ESRRB: variants seen among roughly 807,000 people sequenced by gnomAD.
ESRRB encodes estrogen related receptor beta.
Under a neutral mutation model 46.0 loss-of-function variants are expected in ESRRB, and 16 were observed. The ratio of observed to expected loss-of-function variants is 0.35; its 90% CI spans 0.24 to 0.53. ESRRB has a LOEUF of 0.53. ESRRB is among the 20% of genes least tolerant of loss of function. The pLI is 0.93. For missense variants in ESRRB, 488 were observed against 607.4 expected (o/e 0.80, Z 2.07); for synonymous variants, 246 against 259.6 (o/e 0.95, Z 0.50).
intron 3 of ESRRB, among the ~76,000 whole-genome samples, chr14:76,473,047 G>A (rs1889434240): frequency 6.6e-6 from 1 of 152,194 alleles, no homozygotes; most frequent in Non-Finnish European, 1.5e-5. Flanking sequence ...GCATTCTGAG[G>A]TTATATGGGA....
upstream of ESRRB, among the ~76,000 whole-genome samples, chr14:76,367,317 G>A (rs940940166): frequency 2.6e-5 from 4 of 152,124 alleles, no homozygotes; most frequent in African/African-American, 9.7e-5. Flanking sequence ...TATTTTGGGA[G>A]GCCAAGGTGG....
At position 76,398,081 on chromosome 14, in the gene ESRRB, G is replaced by A. The variant is rs760142461; in HGVS notation, c.50+21630G>A. 1.9e-4 allele frequency among the ~76,000 whole-genome samples: 29 copies of A among 152,150 alleles called. 1 individual carries two copies. Among genetic ancestry groups the A allele is most frequent in the Admixed American group, 1.9e-3 (29 of 15,278 alleles). ...TTAAACATGGGGCAGTGCCTCCTAC[G>A]CCAGCTTGTGCTTTGTTGGAAAATT... is the stretch of plus-strand genomic sequence containing the variant. On this transcript the variant is annotated intron_variant, in intron 1 of 6. Transcript: ENST00000644823.
At chr14:76,461,475 A>T (rs938204185) in intron 2 of ESRRB, among the ~76,000 whole-genome samples, 2 of 146,588 alleles carry the variant, frequency 1.4e-5, no homozygotes, top group African/African-American at 5.1e-5. Flanking sequence ...TATGGTAGCC[A>T]TTCTTTTGTT....
At chr14:76,324,323 C>G (rs1300785368) in intron 1 of ESRRB, among the ~76,000 whole-genome samples, 1 of 152,112 alleles carries the variant, frequency 6.6e-6, no homozygotes, top group Non-Finnish European at 1.5e-5. Flanking sequence ...GGAGTAGACT[C>G]CTAGGCCCTT....
At chr14:76,407,594 AGGG>A (rs1886245454) in intron 1 of ESRRB, 1 of 985,810 alleles carries the variant, frequency 1.0e-6, no homozygotes, top group Admixed American at 6.1e-5. Context: ...GGCTGCTCAG[AGGG>A]TAAGTTGGGT....
chr14:76,463,199 C>T (rs1289093313), intron 3 of ESRRB: 1 of 213,388 alleles, frequency 4.7e-6, no homozygotes, highest in Non-Finnish European at 9.4e-6. Context: ...TCCCTGCGTC[C>T]TCTGTCTCTA....
intron 1 of ESRRB, among the ~76,000 whole-genome samples, chr14:76,391,126 A>G (rs1885451701): frequency 1.3e-5 from 2 of 152,180 alleles, no homozygotes; most frequent in Admixed American, 6.5e-5. Context: ...TTGAGGTTAC[A>G]TTGGCTGCAT....
intron 1 of ESRRB, among the ~76,000 whole-genome samples, chr14:76,324,432 CT>C (rs902685071): frequency 1.1e-4 from 17 of 152,150 alleles, no homozygotes; most frequent in African/African-American, 4.1e-4. Flanking sequence ...CCAGAGGGAT[CT>C]GAGCAGAGCA....
At chr14:76,329,076 G>T (rs1034298526) in intron 1 of ESRRB, among the ~76,000 whole-genome samples, 2 of 152,096 alleles carry the variant, frequency 1.3e-5, no homozygotes, top group African/African-American at 4.8e-5. Context: ...GAAGGGGCTT[G>T]GCAGCCAGTA....
Position 76,500,876 on chromosome 14 carries a change from A to G in ESRRB, c.*2418A>G, listed in dbSNP as rs954629372. 1.7e-5 allele frequency: 13 copies of G among 770,470 alleles called. No individual in the cohort carries two copies. In the African/African-American group the frequency reaches 1.9e-4, roughly 11 times the overall value. The allele number at this position is 770,470 out of a possible 1,614,324, so 47.7% of individuals were successfully genotyped here. On this transcript the variant is annotated 3_prime_UTR_variant, in exon 7 of 7. Transcript: ENST00000644823. Reference sequence around the variant, plus strand: ...TCCATGAGGTGGAAGCTGCTTTTATACTTAAAACTCAGATCACAACAGGAA... The same window carrying G: ...TCCATGAGGTGGAAGCTGCTTTTATGCTTAAAACTCAGATCACAACAGGAA...
rs527490269 is a variant in ESRRB, at chr14:76,313,546, G to A, written c.2+2630G>A. Among the ~76,000 whole-genome samples, 29 of 152,288 alleles carry A rather than the reference G, an allele frequency of 1.9e-4. No individual in the cohort carries two copies. The South Asian group carries it at 6.0e-3, about 32-fold the overall frequency. On this transcript the variant is annotated intron_variant, in intron 1 of 6. Coordinates refer to the ESRRB transcript ENST00000512784. ...AAATTGGGGACAGTGGGGGCAATGA[G>A]CAGGTGCTTTGGAATGCAGCAGGCT...
chr14:76,491,634 G>C lies in ESRRB; in HGVS notation c.1038G>C (p.Leu346=), dbSNP rs899007798. Residue 346 remains leucine, a synonymous_variant, in exon 6 of 7, where the codon CTG becomes CTC. Transcript: ENST00000644823. ...AGLLELYRAI[L]QLVRRYKKLK... is the part of the protein sequence containing the mutation. ...TGCTGGAGCTCTACCGGGCCATCCT[G>C]CAGCTGGTACGCAGGTACAAGAAGC... is the stretch of plus-strand genomic sequence containing the variant. 6.9e-6 allele frequency: 11 copies of C among 1,584,420 alleles called. No homozygotes were observed. The African/African-American group carries it at 1.2e-4, about 17-fold the overall frequency.
intron 1 of ESRRB, among the ~76,000 whole-genome samples, chr14:76,382,842 TA>T (rs368137420): frequency 3.0e-4 from 45 of 151,474 alleles, no homozygotes; most frequent in African/African-American, 6.5e-4. Flanking sequence ...GTTTCTTTTT[TA>T]AAAAAAAAAT....
chr14:76,411,085 A>G (rs544865705), intron 1 of ESRRB, among the ~76,000 whole-genome samples: 1 of 151,038 alleles, frequency 6.6e-6, no homozygotes, highest in African/African-American at 2.4e-5. Context: ...CGCCTGGCCC[A>G]TTCATTTCTT....
intron 1 of ESRRB, among the ~76,000 whole-genome samples, chr14:76,380,584 C>T (rs1050674965): frequency 6.6e-6 from 1 of 152,204 alleles, no homozygotes; most frequent in Non-Finnish European, 1.5e-5. Flanking sequence ...CAACACCTAC[C>T]GGCCATCATC....
chr14:76,400,930 G>T (rs1039049609), intron 1 of ESRRB, among the ~76,000 whole-genome samples: 1 of 152,210 alleles, frequency 6.6e-6, no homozygotes, highest in Non-Finnish European at 1.5e-5. Context: ...AAGCAGCACC[G>T]AGAGTGTGGT....
At chr14:76,400,774 C>T (rs1216246242) in intron 1 of ESRRB, among the ~76,000 whole-genome samples, 4 of 152,162 alleles carry the variant, frequency 2.6e-5, no homozygotes, top group South Asian at 2.1e-4. Context: ...TGTTTATATC[C>T]GCCATCCTCC....
At chr14:76,346,443 C>T (rs533671568) in intron 1 of ESRRB, among the ~76,000 whole-genome samples, 1 of 152,352 alleles carries the variant, frequency 6.6e-6, no homozygotes, top group Non-Finnish European at 1.5e-5. Context: ...CCCAGGGCAA[C>T]ACCCTTAGTG....
intron 1 of ESRRB, among the ~76,000 whole-genome samples, chr14:76,334,075 G>A (rs1315185142): frequency 6.6e-6 from 1 of 152,156 alleles, no homozygotes; most frequent in African/African-American, 2.4e-5. Context: ...ATAGTGCCTG[G>A]CAGGTAGAAA....
Sources: gnomAD v4.1 joint callset for allele counts (sites outside exome capture counted in the v4.1 genomes callset) on GRCh38, gnomAD v4.1.1 for gene constraint, MANE v1.5 for transcripts, NCBI Gene and HGNC (gene_info 2026-07-23, HGNC 2026-07-21) for gene names.